Variants in HIVEP3 observed in about 807,000 individuals in gnomAD.
HIVEP3 encodes transcription factor HIVEP3.
A neutral mutation model predicts 152.8 loss-of-function variants in HIVEP3; 49 were observed. That is an observed-to-expected ratio of 0.32 (90% CI 0.26 to 0.41). The LOEUF is 0.41. HIVEP3 is among the 10% of genes least tolerant of loss of function. The pLI is 1.00. For missense variants in HIVEP3, 2,790 were observed against 3,103.3 expected (o/e 0.90, Z 2.40); for synonymous variants, 1,269 against 1,289.0 (o/e 0.98, Z 0.33).
chr1:41,513,870 AG>A, intron 7 of HIVEP3, 120 bp from the exon 8 acceptor site: 2 of 749,762 alleles, frequency 2.7e-6, no homozygotes, highest in Non-Finnish European at 4.0e-6. Context: ...AGCCATCGCA[AG>A]GGCACAAGAT....
At chr1:41,866,114 A>C (rs1035115558) in intron 1 of HIVEP3, among the ~76,000 whole-genome samples, 2 of 152,220 alleles carry the variant, frequency 1.3e-5, no homozygotes, top group African/African-American at 4.8e-5. Context: ...GCAGATCCAC[A>C]GTGGACTCTC....
intron 1 of HIVEP3, among the ~76,000 whole-genome samples, chr1:41,851,673 A>G (rs1643604791): frequency 6.6e-6 from 1 of 152,206 alleles, no homozygotes; most frequent in African/African-American, 2.4e-5. Context: ...CTCATTTTCA[A>G]TAGTAGGAGT....
chr1:41,731,566 T>C (rs1315389838), intron 1 of HIVEP3, among the ~76,000 whole-genome samples: 2 of 152,160 alleles, frequency 1.3e-5, no homozygotes, highest in East Asian at 1.9e-4. Context: ...CATAAAGAGA[T>C]TGTGGCTTCT....
chr1:41,522,576 C>G (rs1037480196), intron 6 of HIVEP3, among the ~76,000 whole-genome samples: 6 of 152,222 alleles, frequency 3.9e-5, no homozygotes, highest in African/African-American at 1.4e-4. Context: ...GGAGGGCCTA[C>G]AGCCCCTCTG....
chr1:41,665,705 T>TACACACACACACACAC (rs1489493920), intron 2 of HIVEP3, among the ~76,000 whole-genome samples: 14 of 21,844 alleles, frequency 6.4e-4, no homozygotes, highest in African/African-American at 3.9e-3. Context: ...ACGGAAATGT[T>TACACACACACACACAC]ATACACACAC....
intron 3 of HIVEP3, among the ~76,000 whole-genome samples, chr1:41,620,893 G>A (rs1191425421): frequency 6.6e-6 from 1 of 152,208 alleles, no homozygotes; most frequent in Non-Finnish European, 1.5e-5. Context: ...GGGTACCGGA[G>A]GCATTTGCCT....
chr1:41,886,507 G>A (rs1644349024), intron 1 of HIVEP3, among the ~76,000 whole-genome samples: 3 of 152,018 alleles, frequency 2.0e-5, no homozygotes, highest in Non-Finnish European at 4.4e-5. Flanking sequence ...GAGGTCGGGA[G>A]TTCAAGACCA....
At chr1:42,005,725 G>A (rs1248686299) in intron 1 of HIVEP3, among the ~76,000 whole-genome samples, 1 of 152,186 alleles carries the variant, frequency 6.6e-6, no homozygotes, top group Non-Finnish European at 1.5e-5. Flanking sequence ...GATGCTGCTT[G>A]TAGAAATCTT....
intron 1 of HIVEP3, among the ~76,000 whole-genome samples, chr1:41,742,182 C>A (rs1169940017): frequency 1.3e-5 from 2 of 152,138 alleles, no homozygotes; most frequent in Non-Finnish European, 2.9e-5. Context: ...ACCCATCCAC[C>A]TGTCCATCCA....
At chr1:41,877,485 T>C (rs2124421784) in intron 1 of HIVEP3, among the ~76,000 whole-genome samples, 1 of 152,324 alleles carries the variant, frequency 6.6e-6, no homozygotes, top group African/African-American at 2.4e-5. Flanking sequence ...AAAACCATAT[T>C]TGTGAATGAA....
intron 5 of HIVEP3, among the ~76,000 whole-genome samples, chr1:41,563,139 G>C (rs1644107106): frequency 6.6e-6 from 1 of 152,090 alleles, no homozygotes; most frequent in Admixed American, 6.6e-5. Context: ...TTGAAGTCAG[G>C]AGTTTAAGAC....
chr1:41,576,453 C>A (rs193022649), intron 4 of HIVEP3, among the ~76,000 whole-genome samples: 2 of 152,204 alleles, frequency 1.3e-5, no homozygotes, highest in Non-Finnish European at 2.9e-5. Flanking sequence ...CCCAAGAACA[C>A]GTCCTGTAAA....
At chr1:41,848,303 T>C (rs776614619) in intron 1 of HIVEP3, 1 of 152,246 alleles carries the variant, frequency 6.6e-6, no homozygotes, top group Non-Finnish European at 1.5e-5. Context: ...CTGTTGGACT[T>C]GTACTGCTTC....
At chr1:41,586,697 T>C (rs540259560) in intron 3 of HIVEP3, among the ~76,000 whole-genome samples, 1 of 152,312 alleles carries the variant, frequency 6.6e-6, no homozygotes, top group African/African-American at 2.4e-5. Flanking sequence ...ACTCAAATAA[T>C]TGTCTCTTAA....
chr1:41,753,592 C>T (rs888041689), intron 1 of HIVEP3, among the ~76,000 whole-genome samples: 5 of 151,818 alleles, frequency 3.3e-5, no homozygotes, highest in African/African-American at 9.7e-5. Flanking sequence ...CACTTGAACT[C>T]GGGAGGCGGA....
intron 5 of HIVEP3, among the ~76,000 whole-genome samples, chr1:41,545,387 CACCAATACCACT>C (rs1160075921): frequency 8.3e-5 from 5 of 60,496 alleles, no homozygotes; most frequent in Admixed American, 1.6e-4. Flanking sequence ...CTACCACCAC[CACCAATACCACT>C]ACCACCAATA....
intron 1 of HIVEP3, among the ~76,000 whole-genome samples, chr1:42,007,135 T>C (rs761997881): frequency 5.1e-4 from 78 of 152,284 alleles, no homozygotes; most frequent in Non-Finnish European, 9.6e-4. Context: ...TCAACTTACA[T>C]GGACTTGGGT....
intron 1 of HIVEP3, among the ~76,000 whole-genome samples, chr1:41,752,262 T>C (rs78048981): frequency 0.013 from 2,053 of 152,306 alleles, 44 homozygotes; most frequent in African/African-American, 0.047. Context: ...TCAGCACACA[T>C]GGAGTCTGTG....
chr1:41,719,424 A>C (rs1220483500), intron 1 of HIVEP3, among the ~76,000 whole-genome samples: 2 of 152,214 alleles, frequency 1.3e-5, no homozygotes, highest in Non-Finnish European at 2.9e-5. Context: ...ATTCATATGA[A>C]TAACTCATCT....
Sources: allele counts gnomAD v4.1 joint callset (sites outside exome capture counted in the v4.1 genomes callset), GRCh38; gene constraint gnomAD v4.1.1; transcripts MANE v1.5; gene names NCBI Gene and HGNC (gene_info 2026-07-23, HGNC 2026-07-21).